Variants in CFAP119 observed in about 807,000 individuals in gnomAD.
CFAP119 encodes cilia and flagella associated protein 119, also known as cilia- and flagella-associated protein 119.
At chr16:30,759,200 T>C in the CFAP119 span, 1 of 1,614,148 alleles carries the variant, frequency 6.2e-7, no homozygotes, top group African/African-American at 1.3e-5. Flanking sequence ...CTGGCCACAG[T>C]TTGGGTGGCT....
the CFAP119 span, chr16:30,757,748 C>T: frequency 2.0e-6 from 3 of 1,488,966 alleles, no homozygotes; most frequent in South Asian, 4.1e-5. Context: ...CCCAAATTTC[C>T]CCTGGTGGGG....
chr16:30,757,930 G>C, the CFAP119 span: 2 of 718,244 alleles, frequency 2.8e-6, no homozygotes, highest in African/African-American at 3.7e-5. Context: ...CAGTTTCCTT[G>C]TATGAAATGT....
the CFAP119 span, chr16:30,760,773 G>T: frequency 2.0e-6 from 2 of 1,021,662 alleles, no homozygotes; most frequent in Non-Finnish European, 1.5e-6. Context: ...GTGAAGCTGG[G>T]CTCTTTTGCC....
chr16:30,759,007 C>G, the CFAP119 span: 1 of 1,614,220 alleles, frequency 6.2e-7, no homozygotes, highest in Non-Finnish European at 8.5e-7. Flanking sequence ...TCTCCAGATC[C>G]TCACTTGGCT....
At chr16:30,759,197 C>T in the CFAP119 span, 2 of 1,613,846 alleles carry the variant, frequency 1.2e-6, no homozygotes, top group African/African-American at 2.7e-5. Context: ...TCTCTGGCCA[C>T]AGTTTGGGTG....
the CFAP119 span, chr16:30,759,220 TG>T: frequency 6.2e-7 from 1 of 1,614,086 alleles, no homozygotes; most frequent in South Asian, 1.1e-5. Context: ...TGTAGCCCCA[TG>T]TAAGTCAAAG....
the CFAP119 span, chr16:30,757,469 T>C: frequency 1.2e-6 from 2 of 1,611,048 alleles, no homozygotes; most frequent in Non-Finnish European, 1.7e-6. Context: ...GGGGAAAATG[T>C]TGGGGGTCAC....
the CFAP119 span, chr16:30,759,605 C>T: frequency 1.9e-6 from 3 of 1,613,964 alleles, no homozygotes; most frequent in Non-Finnish European, 2.5e-6. Flanking sequence ...CTGGGTGAGA[C>T]CTTGTCTGGG....
At chr16:30,758,470 A>G in the CFAP119 span, 5 of 172,538 alleles carry the variant, frequency 2.9e-5, no homozygotes, top group East Asian at 1.7e-4. Context: ...TGCTTTACCC[A>G]TCAACCCATC....
the CFAP119 span, chr16:30,757,750 C>T: frequency 2.0e-6 from 3 of 1,486,300 alleles, no homozygotes; most frequent in East Asian, 7.0e-5. Context: ...CAAATTTCCC[C>T]TGGTGGGGAT....
the CFAP119 span, chr16:30,760,055 AT>A: frequency 6.5e-7 from 1 of 1,526,890 alleles, no homozygotes; most frequent in South Asian, 1.2e-5. Flanking sequence ...CACTATGCAT[AT>A]ATTTGCATAT....
chr16:30,760,566 C>CTT, the CFAP119 span: 1 of 1,577,290 alleles, frequency 6.3e-7, no homozygotes, highest in African/African-American at 1.4e-5. Context: ...ACCCCTCAGC[C>CTT]TTTGCCAAGA....
At chr16:30,758,596 C>A in the CFAP119 span, 29 of 232,426 alleles carry the variant, frequency 1.2e-4, 1 homozygote, top group Admixed American at 5.7e-4. Context: ...TGCTCTGTTG[C>A]CCAGGCTGGA....
At chr16:30,757,618 T>G in the CFAP119 span, 1 of 1,614,002 alleles carries the variant, frequency 6.2e-7, no homozygotes, top group Non-Finnish European at 8.5e-7. Flanking sequence ...TTTGTTCACT[T>G]GGGTCTTGAT....
At chr16:30,760,372 C>T in the CFAP119 span, 25 of 1,614,182 alleles carry the variant, frequency 1.5e-5, no homozygotes, top group Admixed American at 6.7e-5. Flanking sequence ...AGAAAATGAG[C>T]GCGTGGCAGA....
chr16:30,760,621 T>C, the CFAP119 span: 12 of 1,557,324 alleles, frequency 7.7e-6, no homozygotes, highest in African/African-American at 1.4e-5. Context: ...CATCTCAGCA[T>C]TGGTGGTCTT....
At chr16:30,761,456 C>A in the CFAP119 span, 2 of 1,512,158 alleles carry the variant, frequency 1.3e-6, no homozygotes, top group African/African-American at 1.4e-5. Context: ...GGAGACGTCC[C>A]GAACGTTAGT....
the CFAP119 span, chr16:30,759,789 A>G: frequency 6.5e-7 from 1 of 1,543,762 alleles, no homozygotes; most frequent in African/African-American, 1.4e-5. Flanking sequence ...ACTTCACTCA[A>G]CAGCTGTTTA....
At chr16:30,761,650 G>C in the CFAP119 span, 1 of 1,535,968 alleles carries the variant, frequency 6.5e-7, no homozygotes. Context: ...CATGCACTGA[G>C]CTGCGATCCT....
Sources: allele counts gnomAD v4.1 joint callset, GRCh38; gene constraint gnomAD v4.1.1; transcripts MANE v1.5; gene names NCBI Gene and HGNC (gene_info 2026-07-23, HGNC 2026-07-21).